The following FAM90A24 variants were observed in gnomAD, a reference collection of about 807,000 sequenced individuals.
FAM90A24 encodes the protein family with sequence similarity 90 member A24.
chr8:8,020,434 CG>C, the FAM90A24 span: 1 of 520,288 alleles, frequency 1.9e-6, no homozygotes, highest in African/African-American at 2.4e-5. Flanking sequence ...ATGGCGCTTT[CG>C]GGGATCTGGA....
the FAM90A24 span, among the ~76,000 whole-genome samples, chr8:8,022,652 C>G: frequency 3.9e-5 from 3 of 77,376 alleles, no homozygotes; most frequent in Non-Finnish European, 8.5e-5. Flanking sequence ...CGTGGCTATA[C>G]AGGACTCTAA....
At chr8:8,022,643 G>C in the FAM90A24 span, among the ~76,000 whole-genome samples, 1 of 78,580 alleles carries the variant, frequency 1.3e-5, no homozygotes, top group African/African-American at 3.7e-5. Flanking sequence ...GCAGCCAAAC[G>C]TGGCTATACA....
At chr8:8,022,669 A>C in the FAM90A24 span, among the ~76,000 whole-genome samples, 1 of 74,420 alleles carries the variant, frequency 1.3e-5, no homozygotes, top group African/African-American at 4.0e-5. Flanking sequence ...CTAAGTAGAA[A>C]GGGAGGTTGC....
At chr8:8,020,015 TGAG>T in the FAM90A24 span, 2 of 500,952 alleles carry the variant, frequency 4.0e-6, no homozygotes, top group Non-Finnish European at 7.0e-6. Flanking sequence ...CGCTGTCCTC[TGAG>T]GAGGAGGAAA....
At chr8:8,022,481 G>A in the FAM90A24 span, 1 of 371,006 alleles carries the variant, frequency 2.7e-6, no homozygotes. Context: ...AGCTGAATAA[G>A]GATTCCAAAG....
the FAM90A24 span, chr8:8,020,670 CG>C: frequency 9.2e-7 from 1 of 1,083,300 alleles, no homozygotes; most frequent in African/African-American, 1.8e-5. Context: ...GGGAACTTCT[CG>C]GCAGCCACCC....
chr8:8,022,621 G>T, the FAM90A24 span, among the ~76,000 whole-genome samples: 3 of 80,310 alleles, frequency 3.7e-5, no homozygotes, highest in Non-Finnish European at 8.4e-5. Context: ...TGGTGAAGCC[G>T]ATGTCAACAA....
the FAM90A24 span, among the ~76,000 whole-genome samples, chr8:8,022,626 C>T: frequency 1.3e-4 from 10 of 79,962 alleles, no homozygotes; most frequent in Non-Finnish European, 2.5e-4. Context: ...AAGCCGATGT[C>T]AACAACGCAG....
At chr8:8,022,570 G>T in the FAM90A24 span, among the ~76,000 whole-genome samples, 1 of 84,986 alleles carries the variant, frequency 1.2e-5, no homozygotes, top group South Asian at 7.3e-4. Flanking sequence ...ACGGGACGGA[G>T]GAACTCTGAA....
chr8:8,022,544 T>G, the FAM90A24 span, among the ~76,000 whole-genome samples: 33 of 85,474 alleles, frequency 3.9e-4, no homozygotes, highest in African/African-American at 1.0e-3. Flanking sequence ...GGATACGATG[T>G]TCCCTCGCAA....
the FAM90A24 span, among the ~76,000 whole-genome samples, chr8:8,022,636 G>A: frequency 1.3e-5 from 1 of 79,210 alleles, no homozygotes; most frequent in African/African-American, 3.6e-5. Flanking sequence ...CAACAACGCA[G>A]CCAAACGTGG....
At chr8:8,022,730 C>G in the FAM90A24 span, 1 of 109,752 alleles carries the variant, frequency 9.1e-6, no homozygotes, top group African/African-American at 4.6e-5. Context: ...GGTCCCAAGC[C>G]ACGCCCACCT....
the FAM90A24 span, chr8:8,021,718 TG>T: frequency 1.7e-6 from 1 of 580,210 alleles, no homozygotes. Flanking sequence ...CTGCGGGTCT[TG>T]TTGCCTGCAG....
At chr8:8,020,343 TG>T in the FAM90A24 span, 1 of 557,402 alleles carries the variant, frequency 1.8e-6, no homozygotes, top group Non-Finnish European at 3.2e-6. Flanking sequence ...CCTGCCCATC[TG>T]GGGCGACGTA....
the FAM90A24 span, among the ~76,000 whole-genome samples, chr8:8,022,637 C>T: frequency 1.3e-5 from 1 of 79,144 alleles, no homozygotes; most frequent in Admixed American, 1.7e-4. Flanking sequence ...AACAACGCAG[C>T]CAAACGTGGC....
the FAM90A24 span, among the ~76,000 whole-genome samples, chr8:8,022,600 A>C: frequency 4.9e-5 from 4 of 81,490 alleles, no homozygotes; most frequent in African/African-American, 1.4e-4. Flanking sequence ...TCAAAGTTCC[A>C]AGGGGCACGA....
the FAM90A24 span, chr8:8,022,752 A>T: frequency 1.0e-5 from 1 of 99,892 alleles, no homozygotes; most frequent in African/African-American, 5.0e-5. Flanking sequence ...GGATGGGAAA[A>T]GCAACCTGGC....
chr8:8,021,985 T>G, the FAM90A24 span, among the ~76,000 whole-genome samples: 8 of 150,974 alleles, frequency 5.3e-5, no homozygotes, highest in South Asian at 8.4e-4. Flanking sequence ...CCCCCGCCTC[T>G]CCCCGTCCCT....
chr8:8,022,666 G>C, the FAM90A24 span, among the ~76,000 whole-genome samples: 1 of 75,008 alleles, frequency 1.3e-5, no homozygotes, highest in Non-Finnish European at 2.9e-5. Flanking sequence ...ACTCTAAGTA[G>C]AAAGGGAGGT....
Sources: gnomAD v4.1 joint callset for allele counts (sites outside exome capture counted in the v4.1 genomes callset) on GRCh38, gnomAD v4.1.1 for gene constraint, MANE v1.5 for transcripts, NCBI Gene and HGNC (gene_info 2026-07-23, HGNC 2026-07-21) for gene names.